WDPCP: variants seen among roughly 807,000 people sequenced by gnomAD.
WDPCP encodes WD repeat-containing and planar cell polarity effector protein fritz homolog.
Under a neutral mutation model 93.1 loss-of-function variants are expected in WDPCP, and 71 were observed. That is an observed-to-expected ratio of 0.76 (90% CI 0.63 to 0.93). The LOEUF (loss-of-function observed/expected upper bound fraction) is 0.93. Ranked by LOEUF, WDPCP falls within the 40% of genes least tolerant of loss-of-function variation. The pLI, the probability that WDPCP is intolerant of heterozygous loss-of-function variation, is 0.00. For missense variants in WDPCP, 844 were observed against 887.4 expected (o/e 0.95, Z 0.62); for synonymous variants, 315 against 315.0 (o/e 1.00, Z 0.00).
intron 10 of WDPCP, among the ~76,000 whole-genome samples, chr2:63,400,905 C>G (rs1194387338): frequency 6.6e-6 from 1 of 152,152 alleles, no homozygotes; most frequent in Non-Finnish European, 1.5e-5. Context: ...AGAGGATCCC[C>G]TATTTAATAA....
the WDPCP span, among the ~76,000 whole-genome samples, chr2:63,833,421 A>C: frequency 2.0e-5 from 3 of 152,194 alleles, no homozygotes; most frequent in African/African-American, 4.8e-5. Flanking sequence ...AATAAAAAAA[A>C]AGACCTATTT....
intron 14 of WDPCP, among the ~76,000 whole-genome samples, chr2:63,180,880 C>T (rs912567739): frequency 2.2e-4 from 34 of 151,934 alleles, no homozygotes; most frequent in African/African-American, 6.5e-4. Flanking sequence ...TTATGACTTG[C>T]GTGAAATATG....
At chr2:63,619,921 C>T (rs528294522) in intron 3 of WDPCP, among the ~76,000 whole-genome samples, 8 of 152,246 alleles carry the variant, frequency 5.3e-5, no homozygotes, top group East Asian at 3.9e-4. Context: ...CGCAAGGGGT[C>T]GGGGAACTCC....
At chr2:63,374,772 A>G (rs746990962) in intron 12 of WDPCP, among the ~76,000 whole-genome samples, 5 of 152,170 alleles carry the variant, frequency 3.3e-5, no homozygotes, top group Non-Finnish European at 7.4e-5. Context: ...TTAAAAGATT[A>G]TCTACCACAT....
intron 9 of WDPCP, among the ~76,000 whole-genome samples, chr2:63,420,886 TTTAAG>T (rs1442890806): frequency 1.3e-5 from 2 of 152,308 alleles, no homozygotes; most frequent in South Asian, 2.1e-4. Flanking sequence ...TTGGTAGGCA[TTTAAG>T]TTGTTTCTAA....
At chr2:63,268,463 T>TTATC (rs1575022061) in intron 13 of WDPCP, among the ~76,000 whole-genome samples, 1 of 152,094 alleles carries the variant, frequency 6.6e-6, no homozygotes, top group Admixed American at 6.6e-5. Flanking sequence ...TTTTTATTTT[T>TTATC]TATCTTTTTA....
intron 14 of WDPCP, among the ~76,000 whole-genome samples, chr2:63,179,636 T>C (rs1227324558): frequency 6.6e-6 from 1 of 152,084 alleles, no homozygotes; most frequent in Non-Finnish European, 1.5e-5. Flanking sequence ...CTTTTCTTTA[T>C]GAATTACCCA....
chr2:63,414,388 A>C (rs1218887811), intron 9 of WDPCP, among the ~76,000 whole-genome samples: 1 of 152,154 alleles, frequency 6.6e-6, no homozygotes, highest in Non-Finnish European at 1.5e-5. Flanking sequence ...CACAATTCAC[A>C]ATTGCAAAAT....
At chr2:63,524,656 G>T (rs1703188468) in intron 1 of WDPCP, among the ~76,000 whole-genome samples, 1 of 152,258 alleles carries the variant, frequency 6.6e-6, no homozygotes, top group South Asian at 2.1e-4. Context: ...AACCACGGAA[G>T]ACAACCTAGG....
At chr2:63,550,783 A>C (rs1420164771) in intron 1 of WDPCP, among the ~76,000 whole-genome samples, 1 of 50,884 alleles carries the variant, frequency 2.0e-5, no homozygotes, top group African/African-American at 1.6e-4. Flanking sequence ...GCATATGTAC[A>C]TATATATGTA....
intron 3 of WDPCP, among the ~76,000 whole-genome samples, chr2:63,649,777 G>T (rs1558875332): frequency 6.6e-6 from 1 of 152,174 alleles, no homozygotes; most frequent in Non-Finnish European, 1.5e-5. Flanking sequence ...AGAAAGGGGG[G>T]CTTGTGGGGA....
At chr2:63,350,208 C>A (rs991006641) in intron 12 of WDPCP, among the ~76,000 whole-genome samples, 1 of 152,146 alleles carries the variant, frequency 6.6e-6, no homozygotes, top group Non-Finnish European at 1.5e-5. Flanking sequence ...CCAAACACCA[C>A]ATGTTCTCAT....
At chr2:63,377,144 G>T (rs886323673) in intron 12 of WDPCP, among the ~76,000 whole-genome samples, 1 of 151,786 alleles carries the variant, frequency 6.6e-6, no homozygotes, top group African/African-American at 2.4e-5. Flanking sequence ...TCAGTTCAAA[G>T]ATGTGACACC....
intron 9 of WDPCP, among the ~76,000 whole-genome samples, chr2:63,427,380 A>T (rs1696403973): frequency 6.6e-6 from 1 of 152,222 alleles, no homozygotes. Flanking sequence ...TCAAAATCAT[A>T]CCAACTATAC....
chr2:63,314,429 C>T (rs1194301062), intron 12 of WDPCP, among the ~76,000 whole-genome samples: 2 of 152,142 alleles, frequency 1.3e-5, no homozygotes, highest in African/African-American at 4.8e-5. Context: ...TTCAGCGTCC[C>T]AAAAGTGCTG....
intron 15 of WDPCP, among the ~76,000 whole-genome samples, chr2:63,158,495 C>T (rs1343835638): frequency 6.6e-6 from 1 of 151,980 alleles, no homozygotes; most frequent in East Asian, 1.9e-4. Context: ...CCCAAGTTTC[C>T]CTCTGGTATC....
chr2:63,671,352 G>A (rs961952576), intron 2 of WDPCP, among the ~76,000 whole-genome samples: 2 of 152,156 alleles, frequency 1.3e-5, no homozygotes, highest in African/African-American at 2.4e-5. Context: ...GGAGTCTTCT[G>A]ACGGCTACTT....
chr2:63,279,405 C>T (rs549845520), intron 13 of WDPCP, among the ~76,000 whole-genome samples: 35 of 152,182 alleles, frequency 2.3e-4, no homozygotes, highest in East Asian at 3.9e-4. Context: ...AGACAAAATC[C>T]GGCATCCCAT....
intron 12 of WDPCP, among the ~76,000 whole-genome samples, chr2:63,377,686 T>G (rs1374324474): frequency 6.6e-6 from 1 of 151,642 alleles, no homozygotes; most frequent in Admixed American, 6.6e-5. Flanking sequence ...CTAATTTTTT[T>G]GCTTGCTTTT....
Sources: gnomAD v4.1 joint callset for allele counts (sites outside exome capture counted in the v4.1 genomes callset) on GRCh38, gnomAD v4.1.1 for gene constraint, MANE v1.5 for transcripts, NCBI Gene and HGNC (gene_info 2026-07-23, HGNC 2026-07-21) for gene names.